The following COXFA4L2 variants were observed in gnomAD, a reference collection of about 807,000 sequenced individuals.
COXFA4L2 encodes the protein cytochrome c oxidase hypoxia associated subunit FA4L2, also known as NADH dehydrogenase (ubiquinone) 1 alpha subcomplex, 4-like 2.
the COXFA4L2 span, chr12:57,236,477 G>T: frequency 3.5e-6 from 3 of 855,670 alleles, no homozygotes; most frequent in South Asian, 2.0e-5. Flanking sequence ...CTGAGATGCC[G>T]GTCGGTACAG....
At chr12:57,236,649 G>A in the COXFA4L2 span, 1 of 1,578,812 alleles carries the variant, frequency 6.3e-7, no homozygotes. Context: ...CGCTGCCCAT[G>A]CCCAGGCAGA....
At chr12:57,235,360 AAGGGTCAG>A in the COXFA4L2 span, 2 of 614,720 alleles carry the variant, frequency 3.3e-6, no homozygotes, top group Admixed American at 2.8e-5. Flanking sequence ...GACTCAAGCC[AAGGGTCAG>A]AGGCGCTTCC....
the COXFA4L2 span, among the ~76,000 whole-genome samples, chr12:57,238,915 T>G: frequency 7.2e-5 from 11 of 152,330 alleles, no homozygotes; most frequent in East Asian, 1.9e-3. The surrounding 1 kb of genome is among the most constrained non-coding windows in gnomAD (Gnocchi z 6.8). Context: ...CCTTCCATCT[T>G]TGGTTCCCGT....
chr12:57,237,785 G>C, the COXFA4L2 span: 1 of 154,474 alleles, frequency 6.5e-6, no homozygotes, highest in African/African-American at 2.4e-5. Flanking sequence ...AGGCTTGAGA[G>C]ACTTGCTTGC....
At chr12:57,235,943 C>T in the COXFA4L2 span, 1 of 629,402 alleles carries the variant, frequency 1.6e-6, no homozygotes, top group East Asian at 3.0e-5. Context: ...CTGGGGGTCC[C>T]ATTTCCCAGA....
At chr12:57,235,740 G>A in the COXFA4L2 span, 38 of 1,604,472 alleles carry the variant, frequency 2.4e-5, no homozygotes, top group African/African-American at 2.8e-4. Flanking sequence ...TAGAGCCATC[G>A]AGAGGTACCT....
At chr12:57,236,365 G>T in the COXFA4L2 span, 1 of 496,774 alleles carries the variant, frequency 2.0e-6, no homozygotes, top group Non-Finnish European at 3.5e-6. Context: ...GGCCGGGAGA[G>T]GCGCGGGTTC....
chr12:57,239,206 G>T, the COXFA4L2 span, among the ~76,000 whole-genome samples: 1 of 152,262 alleles, frequency 6.6e-6, no homozygotes, highest in African/African-American at 2.4e-5. The surrounding 1 kb of genome is among the most constrained non-coding windows in gnomAD (Gnocchi z 5.5). Context: ...GTGTTGCAGG[G>T]GCCGTGGGCT....
the COXFA4L2 span, chr12:57,237,249 C>T: frequency 2.7e-6 from 4 of 1,475,036 alleles, no homozygotes; most frequent in East Asian, 9.9e-5. Context: ...TCACTTTCTC[C>T]TCAATTCCAG....
chr12:57,235,030 G>T, the COXFA4L2 span: 321 of 157,634 alleles, frequency 2.0e-3, 10 homozygotes, highest in East Asian at 0.048. Flanking sequence ...GGTACTGGCG[G>T]CAGCGGGAGG....
the COXFA4L2 span, chr12:57,235,556 G>A: frequency 1.9e-6 from 3 of 1,613,052 alleles, no homozygotes; most frequent in Non-Finnish European, 2.5e-6. Flanking sequence ...TGGCAGCCCA[G>A]CCTGGCTTAG....
At chr12:57,236,206 C>A in the COXFA4L2 span, 2 of 325,168 alleles carry the variant, frequency 6.2e-6, no homozygotes, top group Non-Finnish European at 1.1e-5. Context: ...ACCCTCTCCG[C>A]GGCCGGGTGT....
At chr12:57,237,053 G>A in the COXFA4L2 span, 1 of 1,614,198 alleles carries the variant, frequency 6.2e-7, no homozygotes. Flanking sequence ...TGATCTGCCG[G>A]TAGAAGCGGG....
the COXFA4L2 span, chr12:57,236,575 C>A: frequency 1.3e-6 from 2 of 1,561,514 alleles, no homozygotes; most frequent in Non-Finnish European, 8.7e-7. Context: ...CCGTGAGCAT[C>A]CCAAGCCGTG....
chr12:57,240,675 A>G, the COXFA4L2 span: 1 of 985,476 alleles, frequency 1.0e-6, no homozygotes, highest in Non-Finnish European at 1.2e-6. Flanking sequence ...TGAGACACAC[A>G]TACCTGCAGG....
the COXFA4L2 span, chr12:57,237,380 G>C: frequency 7.4e-7 from 1 of 1,358,708 alleles, no homozygotes; most frequent in Non-Finnish European, 9.5e-7. Context: ...TGGCATCTGA[G>C]GGAAGGACCT....
At chr12:57,237,619 C>T in the COXFA4L2 span, among the ~76,000 whole-genome samples, 35 of 152,228 alleles carry the variant, frequency 2.3e-4, no homozygotes, top group Non-Finnish European at 3.8e-4. Context: ...CAGGCCCACA[C>T]CGTAAAGCTC....
the COXFA4L2 span, chr12:57,235,221 T>C: frequency 3.0e-6 from 1 of 336,548 alleles, no homozygotes; most frequent in Non-Finnish European, 5.6e-6. Flanking sequence ...TCTTGTTGGC[T>C]CACGTAGGCC....
At chr12:57,237,115 A>C in the COXFA4L2 span, 1 of 1,614,120 alleles carries the variant, frequency 6.2e-7, no homozygotes, top group Non-Finnish European at 8.5e-7. Flanking sequence ...GGTCCTCTGC[A>C]GTGGCTCTGT....
Sources: gnomAD v4.1 joint callset for allele counts (sites outside exome capture counted in the v4.1 genomes callset) on GRCh38, gnomAD v4.1.1 for gene constraint, Gnocchi (gnomAD v3.1) non-coding constraint, MANE v1.5 for transcripts, NCBI Gene and HGNC (gene_info 2026-07-23, HGNC 2026-07-21) for gene names.